RBMS2: variants seen among roughly 807,000 people sequenced by gnomAD.
RBMS2 encodes the protein RNA-binding motif, single-stranded-interacting protein 2.
A neutral mutation model predicts 58.4 loss-of-function variants in RBMS2; 38 were observed. The observed-to-expected ratio is 0.65, with a 90% CI of 0.50 to 0.85. The LOEUF is 0.85. RBMS2 is among the 40% of genes least tolerant of loss of function. The pLI is 0.00. For synonymous variants in RBMS2, 151 were observed against 180.7 expected, an observed-to-expected ratio of 0.84 and a Z score of 1.32; for missense variants, 367 against 503.7, an observed-to-expected ratio of 0.73 and a Z score of 2.60.
chr12:56,535,447 A>G (rs1471593714), intron 1 of RBMS2, among the ~76,000 whole-genome samples: 1 of 144,486 alleles, frequency 6.9e-6, no homozygotes, highest in Non-Finnish European at 1.5e-5. Flanking sequence ...GTGAGCTGAG[A>G]TTGTGCCACT....
chr12:56,538,102 G>A (rs570963504), intron 1 of RBMS2, among the ~76,000 whole-genome samples: 4 of 151,764 alleles, frequency 2.6e-5, no homozygotes, highest in Non-Finnish European at 4.4e-5. Context: ...GCATGATCTC[G>A]GCTCATTGCA....
chr12:56,556,271 A>T (rs1161117865), intron 1 of RBMS2, among the ~76,000 whole-genome samples: 1 of 152,110 alleles, frequency 6.6e-6, no homozygotes, highest in Non-Finnish European at 1.5e-5. Context: ...ATTATGCTGT[A>T]AGATACCCTA....
intron 1 of RBMS2, among the ~76,000 whole-genome samples, chr12:56,523,689 G>T (rs1022453134): frequency 2.0e-5 from 3 of 152,176 alleles, no homozygotes; most frequent in African/African-American, 7.2e-5. Context: ...GAACCTGGGG[G>T]ACAGAGGTTG....
Position 56,589,133 on chromosome 12 carries a change from T to C in RBMS2, c.*7-7T>C, listed in dbSNP as rs749845148. ...CTTGTCTCCTCTCTGGCTTGTGCCT[T>C]CTTTAGGATTCCCCTCCCCATCTTT... is the stretch of plus-strand genomic sequence containing the variant. On this transcript the variant is annotated splice_polypyrimidine_tract_variant and splice_region_variant and intron_variant, in intron 13 of 13. Coordinates refer to ENST00000262031, the MANE Select transcript of RBMS2 (RefSeq NM_002898.4). The C allele has an allele frequency of 6.4e-7, 1 of 1,563,562 alleles. No individual in the cohort carries two copies. Among genetic ancestry groups the C allele is most frequent in the South Asian group, 1.2e-5 (1 of 85,650 alleles).
intron 1 of RBMS2, among the ~76,000 whole-genome samples, chr12:56,549,580 G>T (rs921153015): frequency 1.8e-4 from 28 of 152,272 alleles, no homozygotes; most frequent in Middle Eastern, 3.4e-3. Flanking sequence ...AAAGATGAAG[G>T]AGTTATATAT....
chr12:56,556,677 GTCT>G (rs1417371634), intron 1 of RBMS2, among the ~76,000 whole-genome samples: 1 of 152,006 alleles, frequency 6.6e-6, no homozygotes, highest in East Asian at 1.9e-4. Flanking sequence ...TGCCTGGCCT[GTCT>G]TTTAGCTTTT....
intron 1 of RBMS2, among the ~76,000 whole-genome samples, chr12:56,525,905 T>G (rs984314089): frequency 6.6e-6 from 1 of 150,660 alleles, no homozygotes; most frequent in Non-Finnish European, 1.5e-5. Flanking sequence ...TCAAGTGACC[T>G]GCCCACCTCG....
intron 1 of RBMS2, among the ~76,000 whole-genome samples, chr12:56,531,556 C>T (rs765473086): frequency 5.3e-5 from 8 of 152,132 alleles, no homozygotes; most frequent in South Asian, 4.1e-4. Flanking sequence ...TGGCCCAGCG[C>T]GGTGGCTCAT....
intron 1 of RBMS2, among the ~76,000 whole-genome samples, chr12:56,542,139 G>A (rs1768080744): frequency 6.6e-6 from 1 of 151,860 alleles, no homozygotes; most frequent in Non-Finnish European, 1.5e-5. Flanking sequence ...CTCAACCTCT[G>A]TGGACTCAGG....
intron 1 of RBMS2, among the ~76,000 whole-genome samples, chr12:56,545,624 T>G (rs1350065325): frequency 6.6e-6 from 1 of 152,206 alleles, no homozygotes; most frequent in Non-Finnish European, 1.5e-5. Context: ...CTAATTTACT[T>G]TCTATATCTA....
chr12:56,533,147 G>A (rs923213194), intron 1 of RBMS2, among the ~76,000 whole-genome samples: 1 of 151,652 alleles, frequency 6.6e-6, no homozygotes, highest in African/African-American at 2.4e-5. Context: ...GTCATCCAGA[G>A]TGGAGTGCAG....
intron 1 of RBMS2, among the ~76,000 whole-genome samples, chr12:56,541,013 A>AT (rs1404091375): frequency 6.6e-6 from 1 of 151,312 alleles, no homozygotes; most frequent in East Asian, 2.0e-4. Flanking sequence ...AGGTGGGAAG[A>AT]TTACTTGAGC....
At chr12:56,584,999 G>T (rs1028714191) in intron 9 of RBMS2, among the ~76,000 whole-genome samples, 10 of 151,794 alleles carry the variant, frequency 6.6e-5, no homozygotes, top group Non-Finnish European at 1.5e-4. Context: ...AATTTTGTAT[G>T]TTTAGTAGAG....
At chr12:56,569,065 G>A in intron 3 of RBMS2, 32 bp downstream of exon 3, 1 of 1,573,330 alleles carries the variant, frequency 6.4e-7, no homozygotes, top group Non-Finnish European at 8.7e-7. Context: ...GTGTTGGAGA[G>A]CACCAGTAAG....
intron 1 of RBMS2, among the ~76,000 whole-genome samples, chr12:56,558,547 C>G (rs1361706645): frequency 8.2e-6 from 1 of 122,342 alleles, no homozygotes; most frequent in Admixed American, 8.8e-5. Context: ...TTCCCTCCCT[C>G]CCTCCCTCCC....
intron 1 of RBMS2, among the ~76,000 whole-genome samples, chr12:56,549,439 T>C (rs1323675044): frequency 6.6e-6 from 1 of 152,180 alleles, no homozygotes; most frequent in East Asian, 1.9e-4. Flanking sequence ...CCTTCTATCA[T>C]TATAATCTCT....
rs1884974943 is a variant in RBMS2, at chr12:56,588,395, T to C, written c.1143+21T>C. 1.9e-6 allele frequency: 3 copies of C among 1,592,732 alleles called. No homozygotes were observed. The East Asian group carries it at 6.7e-5, about 36-fold the overall frequency. On this transcript the variant is annotated intron_variant, in intron 12 of 13. Coordinates refer to ENST00000262031, the MANE Select transcript of RBMS2 (RefSeq NM_002898.4). Reference sequence around the variant, plus strand: ...TCGAGGTAAGGGTGTTATCATTTCTTTGGATTGAGATTAGGAAAATGAACG... The same window carrying C: ...TCGAGGTAAGGGTGTTATCATTTCTCTGGATTGAGATTAGGAAAATGAACG...
chr12:56,551,947 G>T (rs1308809617), intron 1 of RBMS2, among the ~76,000 whole-genome samples: 2 of 152,122 alleles, frequency 1.3e-5, no homozygotes, highest in Non-Finnish European at 2.9e-5. Flanking sequence ...ACTTAGCCGG[G>T]CATGGTGGCA....
intron 11 of RBMS2, among the ~76,000 whole-genome samples, chr12:56,588,007 G>A (rs888487928): frequency 6.6e-6 from 1 of 152,188 alleles, no homozygotes; most frequent in Non-Finnish European, 1.5e-5. Context: ...TAGGCCTACT[G>A]CATTCCTTTT....
Sources: gnomAD v4.1 joint callset for allele counts (sites outside exome capture counted in the v4.1 genomes callset) on GRCh38, gnomAD v4.1.1 for gene constraint, MANE v1.5 for transcripts, NCBI Gene and HGNC (gene_info 2026-07-23, HGNC 2026-07-21) for gene names.